GAB2: variants seen among roughly 807,000 people sequenced by gnomAD.
GAB2 encodes the protein GRB2 associated binding protein 2, also known as GRB2-associated-binding protein 2.
Under a neutral mutation model 65.5 loss-of-function variants are expected in GAB2, and 26 were observed. That is an observed-to-expected ratio of 0.40 (90% CI 0.29 to 0.55). The LOEUF (loss-of-function observed/expected upper bound fraction) is 0.55, where lower values mean the gene tolerates loss of function less well. GAB2 is among the 20% of genes least tolerant of loss of function. The pLI is 0.53. For missense variants in GAB2, 884 were observed against 875.8 expected, an observed-to-expected ratio of 1.01 and a Z score of -0.12; for synonymous variants, 321 against 329.6, an observed-to-expected ratio of 0.97 and a Z score of 0.28.
At chr11:78,367,944 G>A (rs1200292200) in intron 1 of GAB2, among the ~76,000 whole-genome samples, 3 of 150,364 alleles carry the variant, frequency 2.0e-5, no homozygotes, top group Non-Finnish European at 4.4e-5. Context: ...AGCCTCCCGA[G>A]TAGCTGGGAC....
At chr11:78,386,443 TG>T (rs1856767914) in intron 1 of GAB2, among the ~76,000 whole-genome samples, 1 of 152,240 alleles carries the variant, frequency 6.6e-6, no homozygotes, top group Non-Finnish European at 1.5e-5. Context: ...GAGGCAGTCT[TG>T]GCCCTCATCC....
chr11:78,231,336 G>GGTGTGTGTGTGTGTGTGTGTGTGTGTGT (rs58651538), intron 3 of GAB2, among the ~76,000 whole-genome samples: 127 of 145,890 alleles, frequency 8.7e-4, no homozygotes, highest in African/African-American at 3.1e-3. Context: ...GCGCGTGTGT[G>GGTGTGTGTGTGTGTGTGTGTGTGTGTGT]GTGTGTGTGT....
chr11:78,238,785 T>C (rs1865055670), intron 3 of GAB2, among the ~76,000 whole-genome samples: 1 of 152,144 alleles, frequency 6.6e-6, no homozygotes, highest in Non-Finnish European at 1.5e-5. Flanking sequence ...ATGCAGAAAT[T>C]GAACATCAGA....
chr11:78,277,474 G>C (rs192918042), intron 2 of GAB2, among the ~76,000 whole-genome samples: 68 of 152,276 alleles, frequency 4.5e-4, no homozygotes, highest in African/African-American at 1.4e-3. Flanking sequence ...TCTCCCAATC[G>C]ATAGAAAACA....
chr11:78,223,187 C>T (rs769861246), intron 6 of GAB2, among the ~76,000 whole-genome samples: 42 of 152,164 alleles, frequency 2.8e-4, no homozygotes, highest in African/African-American at 9.4e-4. Context: ...CTTTACTGAA[C>T]GCCTGCTATG....
intron 1 of GAB2, among the ~76,000 whole-genome samples, chr11:78,406,832 T>C (rs1857051726): frequency 6.6e-6 from 1 of 152,174 alleles, no homozygotes; most frequent in South Asian, 2.1e-4. Context: ...GGTACAAACA[T>C]GCTTGGAACA....
chr11:78,228,390 T>A (rs185604794), intron 3 of GAB2, among the ~76,000 whole-genome samples: 4 of 152,262 alleles, frequency 2.6e-5, no homozygotes, highest in Admixed American at 2.6e-4. Flanking sequence ...CTATAGGAGT[T>A]TTTAAGATTC....
chr11:78,417,264 C>T (rs1157480292), intron 1 of GAB2, among the ~76,000 whole-genome samples: 2 of 152,032 alleles, frequency 1.3e-5, no homozygotes, highest in Non-Finnish European at 2.9e-5. Flanking sequence ...CGCCCTCTCC[C>T]CGACCCTGCG....
intron 1 of GAB2, among the ~76,000 whole-genome samples, chr11:78,288,269 C>T (rs1866543507): frequency 6.6e-6 from 1 of 150,410 alleles, no homozygotes; most frequent in South Asian, 2.1e-4. Flanking sequence ...ATCCAAGCTA[C>T]TAGGGAGGGT....
chr11:78,417,159 G>C (rs3953454), intron 1 of GAB2, among the ~76,000 whole-genome samples: 2 of 152,102 alleles, frequency 1.3e-5, no homozygotes, highest in Non-Finnish European at 2.9e-5. Context: ...GCCGGCGGCC[G>C]GGAGGGGCAG....
intron 1 of GAB2, among the ~76,000 whole-genome samples, chr11:78,300,685 G>GTTTTTTTTTTTTT (rs763136988): frequency 1.7e-5 from 2 of 120,686 alleles, no homozygotes; most frequent in African/African-American, 3.5e-5. Flanking sequence ...TTTTTTTTTG[G>GTTTTTTTTTTTTT]TTTTTTTTTG....
intron 1 of GAB2, among the ~76,000 whole-genome samples, chr11:78,334,129 A>AT (rs1357522431): frequency 6.6e-6 from 1 of 152,072 alleles, no homozygotes; most frequent in Non-Finnish European, 1.5e-5. Flanking sequence ...TTTTAATTTA[A>AT]TTTTTGTGGG....
rs1590934109 is a variant in GAB2 at position 78,219,180 on chromosome 11, T to G, written c.*92A>C. On this transcript the variant is annotated 3_prime_UTR_variant, in exon 10 of 10. Coordinates refer to ENST00000361507, the MANE Select transcript of GAB2 (RefSeq NM_080491.3). ...TGAGACTGGCAGAGTAGAGAGGAGG[T>G]GGATGGGAGGAAGAACGGGAGAGGG... 8.4e-7 allele frequency: 1 copy of G among 1,186,562 alleles called. No individual in the cohort carries two copies. Among genetic ancestry groups the G allele is most frequent in the Non-Finnish European group, 1.2e-6 (1 of 823,718 alleles). The allele number at this position is 1,186,562 out of a possible 1,614,324, so 73.5% of individuals were successfully genotyped here.
At chr11:78,385,507 C>A (rs1012727053) in intron 1 of GAB2, among the ~76,000 whole-genome samples, 1 of 152,184 alleles carries the variant, frequency 6.6e-6, no homozygotes, top group Non-Finnish European at 1.5e-5. Context: ...AGTTATGACA[C>A]AAATCTACAA....
intron 1 of GAB2, among the ~76,000 whole-genome samples, chr11:78,355,658 CAGAG>C (rs1364562463): frequency 1.1e-5 from 1 of 93,144 alleles, no homozygotes; most frequent in Admixed American, 1.6e-4. Context: ...GCCTGGGAAA[CAGAG>C]AGAGACCCTG....
At chr11:78,281,248 ATT>A (rs35622684) in intron 1 of GAB2, among the ~76,000 whole-genome samples, 788 of 143,574 alleles carry the variant, frequency 5.5e-3, no homozygotes, top group African/African-American at 0.012. Context: ...ACCTTAATGC[ATT>A]TTTTTTTTTT....
At chr11:78,334,617 T>C (rs773765303) in intron 1 of GAB2, among the ~76,000 whole-genome samples, 6 of 152,244 alleles carry the variant, frequency 3.9e-5, no homozygotes, top group Non-Finnish European at 5.9e-5. Context: ...ATAGTAATTG[T>C]GTATAAGTAC....
chr11:78,352,735 G>T (rs961104826), intron 1 of GAB2, among the ~76,000 whole-genome samples: 1 of 152,266 alleles, frequency 6.6e-6, no homozygotes, highest in South Asian at 2.1e-4. Flanking sequence ...AAAAACATAA[G>T]GGGTTTTCTG....
At chr11:78,385,860 CAA>C (rs1856759167) in intron 1 of GAB2, among the ~76,000 whole-genome samples, 2 of 152,212 alleles carry the variant, frequency 1.3e-5, no homozygotes, top group African/African-American at 4.8e-5. Context: ...TTATGCTTCA[CAA>C]AAGTTATCTA....
Sources: allele counts gnomAD v4.1 joint callset (sites outside exome capture counted in the v4.1 genomes callset), GRCh38; gene constraint gnomAD v4.1.1; transcripts MANE v1.5; gene names NCBI Gene and HGNC (gene_info 2026-07-23, HGNC 2026-07-21).